The following STARD3NL variants were observed in gnomAD, a reference collection of about 807,000 sequenced individuals.
STARD3NL encodes STARD3 N-terminal-like protein.
A neutral mutation model predicts 30.9 loss-of-function variants in STARD3NL; 17 were observed. The observed-to-expected ratio is 0.55, with a 90% CI of 0.38 to 0.82. The LOEUF is 0.82. Among genes scored for constraint, STARD3NL ranks in the 40% least tolerant of loss-of-function variants. STARD3NL has a pLI of 0.00. For missense variants in STARD3NL, 234 were observed against 277.6 expected, an observed-to-expected ratio of 0.84 and a Z score of 1.12; for synonymous variants, 112 against 100.5, an observed-to-expected ratio of 1.11 and a Z score of -0.69.
intron 1 of STARD3NL, among the ~76,000 whole-genome samples, chr7:38,178,764 C>T (rs931787715): frequency 6.6e-6 from 1 of 152,078 alleles, no homozygotes; most frequent in African/African-American, 2.4e-5. Flanking sequence ...GCGCCATGGG[C>T]CCCCAAGAAG....
chr7:38,216,988 G>A, intron 4 of STARD3NL, 37 bp from the exon 5 acceptor site: 1 of 1,610,244 alleles, frequency 6.2e-7, no homozygotes. Context: ...AGTGTGAGAT[G>A]CCTAGTGTGA....
chr7:38,218,199 T>A (rs1347423310), intron 6 of STARD3NL, among the ~76,000 whole-genome samples: 2 of 152,256 alleles, frequency 1.3e-5, no homozygotes, highest in Admixed American at 1.3e-4. Flanking sequence ...GCTGGCCATC[T>A]GGCTCAATTT....
chr7:38,209,092 G>A (rs1785648904), intron 2 of STARD3NL, among the ~76,000 whole-genome samples: 1 of 152,130 alleles, frequency 6.6e-6, no homozygotes, highest in Non-Finnish European at 1.5e-5. Flanking sequence ...TGTTAATTTT[G>A]CACTGTGGGA....
At chr7:38,197,136 T>TTTTTTTTCTTTCTTTCTTTCTTTC (rs377342892) in intron 1 of STARD3NL, among the ~76,000 whole-genome samples, 1 of 112,276 alleles carries the variant, frequency 8.9e-6, no homozygotes, top group African/African-American at 3.4e-5. Context: ...GCATTACCTT[T>TTTTTTTTCTTTCTTTCTTTCTTTC]TTTCTTTCTT....
At chr7:38,178,974 C>G (rs754413975) in intron 1 of STARD3NL, 1 of 152,036 alleles carries the variant, frequency 6.6e-6, no homozygotes, top group Non-Finnish European at 1.5e-5. Context: ...ATCTTAGTTG[C>G]TTGAATACTT....
chr7:38,223,199 T>A (rs1786565831), intron 7 of STARD3NL, among the ~76,000 whole-genome samples: 1 of 152,236 alleles, frequency 6.6e-6, no homozygotes, highest in African/African-American at 2.4e-5. Context: ...GCATTTTTCC[T>A]TGTAAAGGAG....
rs1214348408 is a variant in STARD3NL, at chr7:38,207,589, A to C, written c.85A>C (p.Asn29His). 3 of 1,613,982 alleles carry C rather than the reference A, an allele frequency of 1.9e-6. No individual in the cohort carries two copies. Among genetic ancestry groups the C allele is most frequent in the South Asian group, 1.1e-5 (1 of 91,094 alleles). ...HASLRNIHSI[N>H]PTQLMARIES... is the part of the protein sequence containing the mutation. ...TTCTCTGCGCAATATCCATTCCATCAACCCCACACAACTCATGGCCAGGAT... is the reference window on the plus strand; with the variant it reads ...TTCTCTGCGCAATATCCATTCCATCCACCCCACACAACTCATGGCCAGGAT... The change falls in exon 2 of 9, where the codon AAC becomes CAC. Residue 29 changes from asparagine to histidine, a missense_variant. By Grantham distance (68) the Asn-to-His change is moderately conservative. Coordinates refer to ENST00000009041, the MANE Select transcript of STARD3NL (RefSeq NM_032016.4).
At chr7:38,214,506 T>A in intron 3 of STARD3NL, 72 bp downstream of exon 3, 1 of 937,346 alleles carries the variant, frequency 1.1e-6, no homozygotes, top group Non-Finnish European at 1.6e-6. Context: ...CTAAATAGAC[T>A]TCAAATTCCA....
chr7:38,225,180 A>G lies in STARD3NL; in HGVS notation c.650-3619A>G, dbSNP rs148882974. Among the ~76,000 whole-genome samples the G allele has an allele frequency of 7.4e-3, 1,131 of 152,308 alleles. 12 individuals are homozygous for G. Among genetic ancestry groups the G allele is most frequent in the Non-Finnish European group, 9.3e-3 (630 of 68,018 alleles). On this transcript the variant is annotated intron_variant, in intron 7 of 8. Transcript: ENST00000009041. ...AAAAATCTATCTCAAGTCTTTTGCC[A>G]TATTTTTAATTGTGTTTTCTTTTTA...
intron 1 of STARD3NL, among the ~76,000 whole-genome samples, chr7:38,187,034 A>AG (rs1280230735): frequency 1.3e-5 from 2 of 152,082 alleles, no homozygotes; most frequent in African/African-American, 4.8e-5. Context: ...CTAAAAAAAA[A>AG]AAAGAGAAAC....
chr7:38,209,312 C>A (rs1490028021), intron 2 of STARD3NL, among the ~76,000 whole-genome samples: 1 of 151,150 alleles, frequency 6.6e-6, no homozygotes, highest in African/African-American at 2.4e-5. Context: ...GAGACAGAGT[C>A]TTGCTCTGTC....
intron 6 of STARD3NL, 109 bp downstream of exon 6, chr7:38,217,414 G>A: frequency 1.0e-6 from 1 of 968,066 alleles, no homozygotes; most frequent in Non-Finnish European, 1.6e-6. Context: ...GAGTTAGGCA[G>A]TGGTGGGGTC....
In STARD3NL at chr7:38,207,561, T is replaced by A. The variant is rs772162881; in HGVS notation, c.57T>A (p.His19Gln). ...ENALTGSQSS[H>Q]ASLRNIHSIN... ...CTCTCACCGGGAGCCAGAGCTCCCA[T>A]GCTTCTCTGCGCAATATCCATTCCA... The change falls in exon 2 of 9, where the codon CAT becomes CAA. Residue 19 changes from histidine to glutamine, a missense_variant. Physicochemically the swap from His to Gln is conservative, Grantham distance 24. Transcript: ENST00000009041. 1 of 1,614,048 alleles carries A rather than the reference T, an allele frequency of 6.2e-7. No homozygotes were observed. The highest frequency in any genetic ancestry group is 2.2e-5 in the East Asian group (1 of 44,874).
At position 38,228,796 on chromosome 7, in the gene STARD3NL, T is replaced by C. The variant is rs1786933481; in HGVS notation, c.650-3T>C. Reference sequence around the variant, plus strand: ...TTTCTTTGTCCCCTTCTCCACCACGTAGGATCTGAAGAAGCTGAAGAAAAA... The same window carrying C: ...TTTCTTTGTCCCCTTCTCCACCACGCAGGATCTGAAGAAGCTGAAGAAAAA... On this transcript the variant is annotated splice_polypyrimidine_tract_variant and splice_region_variant and intron_variant, in intron 7 of 8. Coordinates refer to ENST00000009041, the MANE Select transcript of STARD3NL (RefSeq NM_032016.4). 1 of 1,611,976 alleles carries C rather than the reference T, an allele frequency of 6.2e-7. No homozygotes were observed. Among genetic ancestry groups the C allele is most frequent in the African/African-American group, 1.3e-5 (1 of 74,916 alleles).
At chr7:38,225,609 A>G (rs1786713753) in intron 7 of STARD3NL, among the ~76,000 whole-genome samples, 1 of 49,070 alleles carries the variant, frequency 2.0e-5, no homozygotes, top group African/African-American at 5.5e-5. Flanking sequence ...CATTGTACTG[A>G]TTTGACACGT....
At chr7:38,198,010 C>T (rs939487618) in intron 1 of STARD3NL, among the ~76,000 whole-genome samples, 2 of 152,238 alleles carry the variant, frequency 1.3e-5, no homozygotes, top group Non-Finnish European at 2.9e-5. Context: ...CAGGGGCACC[C>T]AGTCCCAGGA....
chr7:38,211,425 G>C (rs1038047444), intron 2 of STARD3NL, among the ~76,000 whole-genome samples: 1 of 152,122 alleles, frequency 6.6e-6, no homozygotes, highest in Non-Finnish European at 1.5e-5. Context: ...GAAGTACTGA[G>C]GCAGGAGTGA....
chr7:38,201,817 A>G (rs931208201), intron 1 of STARD3NL: 1 of 152,314 alleles, frequency 6.6e-6, no homozygotes, highest in Non-Finnish European at 1.5e-5. Flanking sequence ...CATCCCAAGT[A>G]GCTGGGACTA....
At chr7:38,186,599 T>C (rs1583772366) in intron 1 of STARD3NL, among the ~76,000 whole-genome samples, 1 of 152,218 alleles carries the variant, frequency 6.6e-6, no homozygotes, top group South Asian at 2.1e-4. Context: ...TATAATACCA[T>C]ATTTTTGCTG....
Sources: gnomAD v4.1 joint callset for allele counts (sites outside exome capture counted in the v4.1 genomes callset) on GRCh38, gnomAD v4.1.1 for gene constraint, MANE v1.5 for transcripts, NCBI Gene and HGNC (gene_info 2026-07-23, HGNC 2026-07-21) for gene names.